SMOC2: variants seen among roughly 807,000 people sequenced by gnomAD.
SMOC2 encodes the protein SPARC-related modular calcium-binding protein 2.
In SMOC2, 39 loss-of-function variants were observed where a neutral mutation model predicts 61.4. That is an observed-to-expected ratio of 0.64 (90% CI 0.49 to 0.83). The LOEUF (loss-of-function observed/expected upper bound fraction) is 0.83. SMOC2 is among the 40% of genes least tolerant of loss of function. SMOC2 has a pLI of 0.00. For synonymous variants in SMOC2, 247 were observed against 239.9 expected (o/e 1.03, Z -0.27); for missense variants, 556 against 592.9 (o/e 0.94, Z 0.65).
rs960740703 is a variant in SMOC2 at position 168,447,831 on chromosome 6, A to C, written c.84+6377A>C. On this transcript the variant is annotated intron_variant, in intron 1 of 12. Coordinates refer to ENST00000356284, the MANE Select transcript of SMOC2 (RefSeq NM_001166412.2). ...AGGACAAGTTCACCAGTTTGTTGGC[A>C]AAAAAAAAAAAAAAAATGCTGTGGT... 1.7e-4 allele frequency among the ~76,000 whole-genome samples: 22 copies of C among 131,412 alleles called. No individual in the cohort carries two copies. The Middle Eastern group carries it at 0.012, about 73-fold the overall frequency. The allele number at this position is 131,412 out of a possible 152,430, so 86.2% of individuals were successfully genotyped here. A position where few individuals can be genotyped will look rare whatever the true frequency, so the allele number is the denominator to read the frequency against.
Position 168,608,189 on chromosome 6 carries a change from G to C in SMOC2, c.857G>C (p.Arg286Thr), listed in dbSNP as rs951253188. 3.7e-6 allele frequency: 6 copies of C among 1,613,722 alleles called. No homozygotes were observed. Among genetic ancestry groups the C allele is most frequent in the Non-Finnish European group, 5.1e-6 (6 of 1,179,964 alleles). The change falls in exon 9 of 13, where the codon AGG becomes ACG. Residue 286 changes from arginine to threonine, a missense_variant. Coordinates refer to ENST00000356284, the MANE Select transcript of SMOC2 (RefSeq NM_001166412.2). ...CAGCCGAAATGTGACAACACGGCCA[G>C]GGCCCACCCAGCCAAAGCCCGGGAC... Reference protein sequence around the residue: ...YEQPKCDNTARAHPAKARDLY... With the variant: ...YEQPKCDNTATAHPAKARDLY...
chr6:168,462,391 C>T (rs1424272532), intron 1 of SMOC2, among the ~76,000 whole-genome samples: 4 of 152,160 alleles, frequency 2.6e-5, no homozygotes, highest in South Asian at 2.1e-4. Flanking sequence ...GTTGAATTAT[C>T]GTTTCCCGGC....
Position 168,621,707 on chromosome 6 carries a change from A to G in SMOC2, c.907+13468A>G, listed in dbSNP as rs1786250173. Among the ~76,000 whole-genome samples the G allele has an allele frequency of 1.9e-5, 2 of 105,184 alleles. 1 individual carries two copies. The highest frequency in any genetic ancestry group is 5.4e-4 in the South Asian group (2 of 3,670). 69.0% of individuals were successfully genotyped at this position (105,184 alleles called of 152,430 possible). ...GGAAGTGCCAGATGTTTATAAAACC[A>G]TCAGATCTCACGATCTCACGCGGAC... On this transcript the variant is annotated intron_variant, in intron 9 of 12. Coordinates refer to ENST00000356284, the MANE Select transcript of SMOC2 (RefSeq NM_001166412.2).
chr6:168,589,378 GACA>G (rs1410379742), intron 7 of SMOC2, among the ~76,000 whole-genome samples: 1 of 152,246 alleles, frequency 6.6e-6, no homozygotes, highest in East Asian at 1.9e-4. Flanking sequence ...AGAGTTCCTT[GACA>G]ACAACAGCAA....
At chr6:168,467,310 GTT>G (rs10717480) in intron 1 of SMOC2, among the ~76,000 whole-genome samples, 2 of 145,946 alleles carry the variant, frequency 1.4e-5, no homozygotes, top group African/African-American at 2.5e-5. Flanking sequence ...CCCTGCTAAG[GTT>G]TTTTTTTTTT....
chr6:168,481,475 A>T (rs1377236287), intron 1 of SMOC2, among the ~76,000 whole-genome samples: 4 of 152,100 alleles, frequency 2.6e-5, no homozygotes, highest in Non-Finnish European at 5.9e-5. Flanking sequence ...TGTAAAATAT[A>T]ATCCTCATGG....
intron 1 of SMOC2, among the ~76,000 whole-genome samples, chr6:168,446,493 T>TA (rs1384980525): frequency 1.3e-5 from 2 of 152,364 alleles, no homozygotes; most frequent in Admixed American, 6.5e-5. Flanking sequence ...TGCCAGCCCT[T>TA]ATGTTTCTCC....
At chr6:168,468,676 A>G (rs967281033) in intron 1 of SMOC2, among the ~76,000 whole-genome samples, 2 of 152,134 alleles carry the variant, frequency 1.3e-5, no homozygotes, top group African/African-American at 4.8e-5. Context: ...CTGGGATTAC[A>G]GGTGTTTGCC....
At chr6:168,521,185 G>C (rs2763245) in intron 2 of SMOC2, among the ~76,000 whole-genome samples, 35,591 of 151,784 alleles carry the variant, frequency 0.23, 5,157 homozygotes, top group East Asian at 0.4. Context: ...GCCTTGCTCT[G>C]TCACCCAGGC....
rs541287742 is a variant in SMOC2 at position 168,504,198 on chromosome 6, C to T, written c.85-5717C>T. ...TTAGATGGGCGGTCCCCAACCTTTT[C>T]GGCATGAGGAACGTTTGACATTTTT... On this transcript the variant is annotated intron_variant, in intron 1 of 12. Coordinates refer to ENST00000356284, the MANE Select transcript of SMOC2 (RefSeq NM_001166412.2). Among the ~76,000 whole-genome samples, 57 of 152,080 alleles carry T rather than the reference C, an allele frequency of 3.7e-4. 1 individual carries two copies. Among genetic ancestry groups the T allele is most frequent in the East Asian group, 7.7e-4 (4 of 5,170 alleles).
chr6:168,550,078 T>C (rs1460941034), intron 7 of SMOC2, among the ~76,000 whole-genome samples: 1 of 152,198 alleles, frequency 6.6e-6, no homozygotes, highest in African/African-American at 2.4e-5. Flanking sequence ...GCGGGTTTGT[T>C]CTGTAATTTT....
intron 1 of SMOC2, among the ~76,000 whole-genome samples, chr6:168,496,984 G>A (rs1194715099): frequency 6.6e-6 from 1 of 151,912 alleles, no homozygotes; most frequent in Admixed American, 6.6e-5. Flanking sequence ...GGGAAGATGC[G>A]GCCCCCGGCA....
intron 2 of SMOC2, among the ~76,000 whole-genome samples, chr6:168,518,976 TATGCATGCGTGTGTATGC>T (rs1562566903): frequency 1.3e-5 from 2 of 150,568 alleles, no homozygotes; most frequent in Non-Finnish European, 3.0e-5. Context: ...CACGCGTGTG[TATGCATGCGTGTGTATGC>T]GTGCATGTGT....
rs1783102463 is a variant in SMOC2 at position 168,515,292 on chromosome 6, A to G, written c.256+5206A>G. 2.0e-5 allele frequency among the ~76,000 whole-genome samples: 3 copies of G among 152,188 alleles called. No homozygotes were observed. The South Asian group carries it at 6.2e-4, about 32-fold the overall frequency. Reference sequence around the variant, plus strand: ...ACGCACAGACACCTGTAGTCTTCAGAATCTCGTGTGTGGTGCTGCAGCTGC... The same window carrying G: ...ACGCACAGACACCTGTAGTCTTCAGGATCTCGTGTGTGGTGCTGCAGCTGC... On this transcript the variant is annotated intron_variant, in intron 2 of 12. Transcript: ENST00000356284.
chr6:168,476,812 T>C (rs1380507091), intron 1 of SMOC2, among the ~76,000 whole-genome samples: 1 of 152,152 alleles, frequency 6.6e-6, no homozygotes, highest in Non-Finnish European at 1.5e-5. Flanking sequence ...GATGTGAAAT[T>C]GTTGGGTCAA....
intron 7 of SMOC2, among the ~76,000 whole-genome samples, chr6:168,550,290 C>T (rs1430795081): frequency 6.6e-6 from 1 of 152,186 alleles, no homozygotes; most frequent in African/African-American, 2.4e-5. Context: ...GCTGCTTATG[C>T]ATTAAAACTT....
At chr6:168,462,253 A>G (rs1781734328) in intron 1 of SMOC2, among the ~76,000 whole-genome samples, 1 of 152,122 alleles carries the variant, frequency 6.6e-6, no homozygotes, top group African/African-American at 2.4e-5. Flanking sequence ...AAGTGTAATG[A>G]AGACTATGTC....
intron 8 of SMOC2, among the ~76,000 whole-genome samples, chr6:168,602,492 A>G (rs1562375298): frequency 1.3e-5 from 2 of 152,054 alleles, no homozygotes; most frequent in Non-Finnish European, 1.5e-5. Context: ...GTTTCCCCTC[A>G]CACTAATTGG....
chr6:168,527,451 T>C (rs1783481415), intron 3 of SMOC2, among the ~76,000 whole-genome samples, 177 bp from the exon 4 acceptor site: 1 of 152,210 alleles, frequency 6.6e-6, no homozygotes, highest in Non-Finnish European at 1.5e-5. Context: ...TCTAAAACCC[T>C]GGGGTCAAGA....
Sources: gnomAD v4.1 joint callset for allele counts (sites outside exome capture counted in the v4.1 genomes callset) on GRCh38, gnomAD v4.1.1 for gene constraint, MANE v1.5 for transcripts, NCBI Gene and HGNC (gene_info 2026-07-23, HGNC 2026-07-21) for gene names.